The following GALNT17 variants were observed in gnomAD, a reference collection of about 807,000 sequenced individuals.
GALNT17 encodes polypeptide N-acetylgalactosaminyltransferase 17, also known as UDP-GalNAc:polypeptide N-acetylgalactosaminyltransferase-like 3.
In GALNT17, 29 loss-of-function variants were observed where a neutral mutation model predicts 63.7. The ratio of observed to expected loss-of-function variants is 0.46; its 90% CI spans 0.34 to 0.62. The LOEUF (loss-of-function observed/expected upper bound fraction) is 0.62, where lower values mean the gene tolerates loss of function less well. Among genes scored for constraint, GALNT17 ranks in the 20% least tolerant of loss-of-function variants. The pLI is 0.01. For synonymous variants in GALNT17, 305 were observed against 318.3 expected, an observed-to-expected ratio of 0.96 and a Z score of 0.45; for missense variants, 603 against 799.6, an observed-to-expected ratio of 0.75 and a Z score of 2.97.
intron 1 of GALNT17, among the ~76,000 whole-genome samples, chr7:71,308,856 T>C (rs1791358185): frequency 6.6e-6 from 1 of 151,894 alleles, no homozygotes; most frequent in African/African-American, 2.4e-5. Flanking sequence ...GGATTTCTTA[T>C]GGCTCAGCCT....
chr7:71,162,831 A>C (rs1788372930), intron 1 of GALNT17, among the ~76,000 whole-genome samples: 2 of 152,228 alleles, frequency 1.3e-5, no homozygotes, highest in Non-Finnish European at 2.9e-5. Context: ...TGATATTTAC[A>C]CTGATGTGTC....
chr7:71,292,478 G>A (rs1225847009), intron 1 of GALNT17, among the ~76,000 whole-genome samples: 1 of 152,156 alleles, frequency 6.6e-6, no homozygotes, highest in African/African-American at 2.4e-5. Flanking sequence ...TAGTCTGAAT[G>A]TGAACTGAGC....
At chr7:71,207,136 A>C (rs1789287373) in intron 1 of GALNT17, among the ~76,000 whole-genome samples, 2 of 151,756 alleles carry the variant, frequency 1.3e-5, no homozygotes, top group Admixed American at 1.3e-4. Flanking sequence ...GATCAGTAGC[A>C]GAATCAACCA....
intron 8 of GALNT17, among the ~76,000 whole-genome samples, chr7:71,670,431 G>T (rs1791051966): frequency 6.6e-6 from 1 of 152,212 alleles, no homozygotes. Flanking sequence ...AAGTTTGGAT[G>T]TAACGAGAGG....
chr7:71,657,946 C>A (rs183242349), intron 6 of GALNT17, among the ~76,000 whole-genome samples: 1 of 151,856 alleles, frequency 6.6e-6, no homozygotes. Context: ...GCTCTGTCAT[C>A]CAGGCTGGAG....
chr7:71,635,206 CAAA>C (rs35340202), intron 6 of GALNT17, among the ~76,000 whole-genome samples: 3 of 124,428 alleles, frequency 2.4e-5, no homozygotes, highest in Non-Finnish European at 3.3e-5. Flanking sequence ...GACTCCGTCT[CAAA>C]AAAAAAAAAA....
chr7:71,709,438 C>G (rs921067516), intron 9 of GALNT17, among the ~76,000 whole-genome samples: 2 of 152,068 alleles, frequency 1.3e-5, no homozygotes, highest in Non-Finnish European at 2.9e-5. Flanking sequence ...TTTAAAAGAA[C>G]GAAGTATATA....
chr7:71,595,980 G>A (rs1789879654), intron 6 of GALNT17, among the ~76,000 whole-genome samples: 1 of 152,124 alleles, frequency 6.6e-6, no homozygotes, highest in Non-Finnish European at 1.5e-5. Flanking sequence ...AATCTGCTTT[G>A]TTTTTTATAT....
At chr7:71,386,981 G>T (rs927342018) in intron 2 of GALNT17, among the ~76,000 whole-genome samples, 5 of 152,090 alleles carry the variant, frequency 3.3e-5, no homozygotes, top group Non-Finnish European at 7.3e-5. Context: ...AACAGAGCCT[G>T]AAACAAAGGG....
intron 6 of GALNT17, among the ~76,000 whole-genome samples, chr7:71,596,902 G>C (rs1449866052): frequency 6.6e-6 from 1 of 152,002 alleles, no homozygotes; most frequent in African/African-American, 2.4e-5. Flanking sequence ...CAAAATGACA[G>C]AGGGGCCAGG....
rs560282088 is a variant in GALNT17, at chr7:71,191,817, G to A, written c.238+58777G>A. Among the ~76,000 whole-genome samples the A allele has an allele frequency of 1.4e-4, 21 of 152,222 alleles. No homozygotes were observed. In the South Asian group the frequency reaches 2.7e-3, roughly 20 times the overall value. On this transcript the variant is annotated intron_variant, in intron 1 of 10. Transcript: ENST00000333538. ...TACGAGTGGAATTACTATGTCATAG[G>A]ATATGTATTACTCAGGGTTCTCTAG...
chr7:71,484,263 G>A (rs1040958964), intron 5 of GALNT17, among the ~76,000 whole-genome samples: 2 of 152,086 alleles, frequency 1.3e-5, no homozygotes, highest in Admixed American at 6.6e-5. Flanking sequence ...TGAGGCGGGC[G>A]GATCACTTGA....
At chr7:71,358,076 C>G (rs1302100370) in intron 2 of GALNT17, among the ~76,000 whole-genome samples, 7 of 152,208 alleles carry the variant, frequency 4.6e-5, no homozygotes, top group Admixed American at 3.9e-4. Context: ...TTCTTTGGCT[C>G]TTCACAATAA....
chr7:71,644,999 G>A (rs751119797), intron 6 of GALNT17, among the ~76,000 whole-genome samples: 2 of 152,112 alleles, frequency 1.3e-5, no homozygotes, highest in Non-Finnish European at 2.9e-5. Flanking sequence ...AGGTCTCCAT[G>A]CAGTGGGAAA....
At chr7:71,151,955 A>G (rs951182935) in intron 1 of GALNT17, among the ~76,000 whole-genome samples, 1 of 152,210 alleles carries the variant, frequency 6.6e-6, no homozygotes, top group African/African-American at 2.4e-5. Context: ...TATTTGTGCC[A>G]AAGTTCCACA....
At chr7:71,240,256 T>C (rs1031294515) in intron 1 of GALNT17, among the ~76,000 whole-genome samples, 1 of 152,220 alleles carries the variant, frequency 6.6e-6, no homozygotes, top group South Asian at 2.1e-4. Flanking sequence ...AGATATCAAA[T>C]GTATTTTTTC....
chr7:71,698,147 GAAAA>G (rs1319843495), intron 9 of GALNT17, among the ~76,000 whole-genome samples: 2 of 142,190 alleles, frequency 1.4e-5, no homozygotes, highest in Non-Finnish European at 3.1e-5. Context: ...AAAAAGAAAA[GAAAA>G]GAAAGAAAGT....
chr7:71,581,617 G>A (rs1362080661), intron 6 of GALNT17, among the ~76,000 whole-genome samples: 1 of 152,166 alleles, frequency 6.6e-6, no homozygotes, highest in Non-Finnish European at 1.5e-5. Flanking sequence ...TTTGGGTGGG[G>A]AGACAGAGGC....
rs558024457 is a variant in GALNT17 at position 71,690,132 on chromosome 7, C to A, written c.1500+12826C>A. On this transcript the variant is annotated intron_variant, in intron 9 of 10. Coordinates refer to ENST00000333538, the MANE Select transcript of GALNT17 (RefSeq NM_022479.3). ...CTCCGACTCCTGGGTTCAGGCGAGT[C>A]TCCCGCCTCAGCCTCCCGAGTAGCT... 2.2e-4 allele frequency among the ~76,000 whole-genome samples: 33 copies of A among 151,632 alleles called. No individual in the cohort carries two copies. The East Asian group carries it at 6.2e-3, about 29-fold the overall frequency.
Sources: allele counts gnomAD v4.1 joint callset (sites outside exome capture counted in the v4.1 genomes callset), GRCh38; gene constraint gnomAD v4.1.1; transcripts MANE v1.5; gene names NCBI Gene and HGNC (gene_info 2026-07-23, HGNC 2026-07-21).